ZFPM2: variants seen among roughly 807,000 people sequenced by gnomAD.
The protein encoded by ZFPM2 is zinc finger protein, FOG family member 2, also known as zinc finger protein ZFPM2.
In ZFPM2, 20 loss-of-function variants were observed where a neutral mutation model predicts 98.6. The ratio of observed to expected loss-of-function variants is 0.20; its 90% confidence interval spans 0.14 to 0.29. The LOEUF is 0.29. ZFPM2 is among the 10% of genes least tolerant of loss of function. The pLI is 1.00. For missense variants in ZFPM2, 1,310 were observed against 1,388.6 expected (o/e 0.94, Z 0.90); for synonymous variants, 518 against 502.7 (o/e 1.03, Z -0.41).
intron 3 of ZFPM2, among the ~76,000 whole-genome samples, chr8:105,549,112 A>G (rs1251727230): frequency 1.3e-5 from 2 of 152,144 alleles, no homozygotes; most frequent in East Asian, 1.9e-4. Flanking sequence ...TATGCTCATG[A>G]GTGATAATAT....
rs770131455 is a variant in ZFPM2 at position 105,798,943 on chromosome 8, A to G, written c.959A>G (p.His320Arg). 20 of 1,613,450 alleles carry G rather than the reference A, an allele frequency of 1.2e-5. No homozygotes were observed. Among genetic ancestry groups the G allele is most frequent in the Non-Finnish European group, 1.7e-5 (20 of 1,179,520 alleles). Reference protein sequence around the residue: ...ARALEMHLNSHSGVKMEEFLP... With the variant: ...ARALEMHLNSRSGVKMEEFLP... Reference sequence around the variant, plus strand: ...GCTCTAGAAATGCACCTGAATTCACACAGTGGTAAATGCCCCTTTTGTTTC... The same window carrying G: ...GCTCTAGAAATGCACCTGAATTCACGCAGTGGTAAATGCCCCTTTTGTTTC... The change falls in exon 7 of 8, where the codon CAC (histidine) becomes CGC (arginine). Residue 320 changes from histidine to arginine, a missense_variant. Transcript: ENST00000407775.
chr8:105,429,037 C>A (rs2130130416), intron 2 of ZFPM2, among the ~76,000 whole-genome samples: 1 of 152,152 alleles, frequency 6.6e-6, no homozygotes, highest in East Asian at 1.9e-4. Flanking sequence ...ATTTTTCTGA[C>A]AGAAAGGAAG....
At chr8:105,328,391 A>C (rs1812153977) in intron 1 of ZFPM2, among the ~76,000 whole-genome samples, 1 of 151,622 alleles carries the variant, frequency 6.6e-6, no homozygotes, top group South Asian at 2.1e-4. Context: ...TAATGCCAAC[A>C]TAGAATGCTT....
intron 3 of ZFPM2, among the ~76,000 whole-genome samples, chr8:105,525,162 G>A (rs138787630): frequency 8.0e-4 from 122 of 152,178 alleles, no homozygotes; most frequent in African/African-American, 2.7e-3. Context: ...CACACAGACC[G>A]TCACTAATAT....
chr8:105,552,652 T>C (rs1814887440), intron 3 of ZFPM2, among the ~76,000 whole-genome samples: 1 of 100,114 alleles, frequency 1.0e-5, no homozygotes, highest in Non-Finnish European at 1.9e-5. Context: ...TGTTTCTTCC[T>C]GTTTCTTTGT....
chr8:105,585,338 C>T (rs1457304821), intron 4 of ZFPM2, among the ~76,000 whole-genome samples: 1 of 152,102 alleles, frequency 6.6e-6, no homozygotes, highest in Non-Finnish European at 1.5e-5. Flanking sequence ...ACCCCTCCTC[C>T]AAAAGTATCA....
intron 1 of ZFPM2, among the ~76,000 whole-genome samples, chr8:105,380,706 TATATATATATATTATATATAACA>T: frequency 3.9e-5 from 1 of 25,336 alleles, no homozygotes; most frequent in South Asian, 1.2e-3. Flanking sequence ...ACATATATAA[TATATATATATATTATATATAACA>T]TATATATTAT....
chr8:105,464,400 A>G (rs751202344), intron 3 of ZFPM2, among the ~76,000 whole-genome samples: 6 of 152,062 alleles, frequency 3.9e-5, no homozygotes, highest in Admixed American at 2.6e-4. Flanking sequence ...TTTGCAATGA[A>G]TGGTGGATGA....
intron 4 of ZFPM2, among the ~76,000 whole-genome samples, chr8:105,621,943 C>T (rs1312222229): frequency 1.3e-5 from 2 of 151,970 alleles, no homozygotes; most frequent in African/African-American, 2.4e-5. Context: ...CGGTGTGCTG[C>T]ACCACATGAA....
chr8:105,448,019 A>G (rs1812410564), intron 3 of ZFPM2, among the ~76,000 whole-genome samples: 1 of 152,092 alleles, frequency 6.6e-6, no homozygotes, highest in African/African-American at 2.4e-5. Flanking sequence ...TTCTATGGTG[A>G]AATTCTTTCA....
chr8:105,685,441 T>C (rs191455580), intron 5 of ZFPM2, among the ~76,000 whole-genome samples: 3 of 152,252 alleles, frequency 2.0e-5, no homozygotes, highest in East Asian at 3.9e-4. Flanking sequence ...TCCTCGTTTA[T>C]TGAAGATCTA....
At chr8:105,389,013 CGTGT>C (rs142145699) in intron 1 of ZFPM2, among the ~76,000 whole-genome samples, 20,487 of 134,602 alleles carry the variant, frequency 0.15, 1,459 homozygotes, top group Middle Eastern at 0.19. Context: ...AATTTGATGA[CGTGT>C]GTGTGTGTGT....
intron 3 of ZFPM2, among the ~76,000 whole-genome samples, chr8:105,463,440 T>C (rs1271750822): frequency 6.6e-6 from 1 of 151,854 alleles, no homozygotes; most frequent in East Asian, 1.9e-4. Context: ...TGTTACATGC[T>C]CTTTGAAGGA....
intron 5 of ZFPM2, among the ~76,000 whole-genome samples, chr8:105,743,078 G>A (rs1812258528): frequency 6.6e-6 from 1 of 152,036 alleles, no homozygotes; most frequent in Non-Finnish European, 1.5e-5. Flanking sequence ...TTTTAGAGTA[G>A]GGGAAAGAAA....
intron 3 of ZFPM2, among the ~76,000 whole-genome samples, chr8:105,515,957 G>T (rs546144592): frequency 3.8e-5 from 4 of 106,502 alleles, no homozygotes; most frequent in South Asian, 6.2e-4. Flanking sequence ...TGCTCTCGTT[G>T]CCCAGGCTGC....
chr8:105,472,776 G>A (rs896339604), intron 3 of ZFPM2, among the ~76,000 whole-genome samples: 2 of 151,644 alleles, frequency 1.3e-5, no homozygotes, highest in African/African-American at 2.4e-5. Flanking sequence ...TCAAAATGCT[G>A]GGATTACAGG....
chr8:105,413,503 T>TAC (rs201516215), intron 1 of ZFPM2, among the ~76,000 whole-genome samples: 2,646 of 141,748 alleles, frequency 0.019, 77 homozygotes, highest in African/African-American at 0.062. Flanking sequence ...TATATATATA[T>TAC]ATATACACAC....
intron 3 of ZFPM2, among the ~76,000 whole-genome samples, chr8:105,559,144 A>G (rs1390642498): frequency 6.6e-6 from 1 of 152,190 alleles, no homozygotes; most frequent in Non-Finnish European, 1.5e-5. Context: ...AATCAAAAAG[A>G]TTGCACAAAG....
At chr8:105,617,874 TA>T (rs1481054917) in intron 4 of ZFPM2, among the ~76,000 whole-genome samples, 2 of 152,168 alleles carry the variant, frequency 1.3e-5, no homozygotes, top group Non-Finnish European at 2.9e-5. Flanking sequence ...GTCATAAAAA[TA>T]AAATATTAAA....
Sources: gnomAD v4.1 joint callset for allele counts (sites outside exome capture counted in the v4.1 genomes callset) on GRCh38, gnomAD v4.1.1 for gene constraint, MANE v1.5 for transcripts, NCBI Gene and HGNC (gene_info 2026-07-23, HGNC 2026-07-21) for gene names.